Variants in GRIA3 observed in about 807,000 individuals in gnomAD.
GRIA3 encodes the protein glutamate ionotropic receptor AMPA type subunit 3.
Under a neutral mutation model 63.0 loss-of-function variants are expected in GRIA3, and 3 were observed. The observed-to-expected ratio is 0.05, with a 90% CI of 0.02 to 0.12. GRIA3 has a LOEUF of 0.12. Ranked by LOEUF, GRIA3 falls within the 10% of genes least tolerant of loss-of-function variation. GRIA3 has a pLI of 1.00. For missense variants in GRIA3, 347 were observed against 700.9 expected (o/e 0.50, Z 5.70); for synonymous variants, 274 against 257.9 (o/e 1.06, Z -0.60).
At chrX:123,414,471 G>A (rs572744956) in intron 10 of GRIA3, among the ~76,000 whole-genome samples, 1 of 110,591 alleles carries the variant, frequency 9.0e-6, no homozygotes, top group South Asian at 3.9e-4. Context: ...CGTGCACAAC[G>A]TGCAGGTTTG....
At chrX:123,325,622 T>C (rs1285668782) in intron 3 of GRIA3, among the ~76,000 whole-genome samples, 1 of 112,098 alleles carries the variant, frequency 8.9e-6, no homozygotes, top group African/African-American at 3.2e-5. Flanking sequence ...CTATCTCTAC[T>C]GAAGTTATTT....
intron 5 of GRIA3, among the ~76,000 whole-genome samples, chrX:123,381,457 G>A (rs1202585121): frequency 8.9e-6 from 1 of 111,733 alleles, no homozygotes; most frequent in Non-Finnish European, 1.9e-5. Flanking sequence ...CCATTGGCCT[G>A]CCTTAGGGTT....
chrX:123,404,625 A>C, intron 9 of GRIA3, 83 bp from the exon 10 acceptor site: 1 of 703,686 alleles, frequency 1.4e-6, no homozygotes, highest in Non-Finnish European at 2.3e-6. Context: ...CTCAATAGTC[A>C]CAGAGGGGAA....
chrX:123,417,839 A>T, intron 11 of GRIA3, 61 bp downstream of exon 11: 1 of 991,717 alleles, frequency 1.0e-6, no homozygotes, highest in South Asian at 1.9e-5. Context: ...CCATTCATGT[A>T]CATATGGTAT....
intron 3 of GRIA3, among the ~76,000 whole-genome samples, chrX:123,323,990 A>G (rs1380711427): frequency 8.9e-6 from 1 of 112,339 alleles, no homozygotes; most frequent in African/African-American, 3.2e-5. Flanking sequence ...AGGATCAATA[A>G]AATATTGACA....
chrX:123,272,022 C>T (rs1263458175), intron 3 of GRIA3, among the ~76,000 whole-genome samples: 1 of 111,794 alleles, frequency 8.9e-6, no homozygotes. Context: ...CACATCATGC[C>T]TAATCCCAAA....
At chrX:123,304,520 C>A (rs2044743253) in intron 3 of GRIA3, among the ~76,000 whole-genome samples, 1 of 111,787 alleles carries the variant, frequency 8.9e-6, no homozygotes, top group Admixed American at 9.5e-5. Flanking sequence ...TTCCTCCAGG[C>A]TCCTTCTCTT....
chrX:123,220,228 G>A (rs375105611), intron 2 of GRIA3, among the ~76,000 whole-genome samples: 2 of 112,309 alleles, frequency 1.8e-5, no homozygotes, highest in East Asian at 2.8e-4. Flanking sequence ...TCTATTCAAG[G>A]TCATATGGTG....
intron 3 of GRIA3, among the ~76,000 whole-genome samples, chrX:123,318,229 G>C (rs913842796): frequency 1.8e-5 from 2 of 111,864 alleles, no homozygotes; most frequent in African/African-American, 6.5e-5. Flanking sequence ...GATGGGAGGG[G>C]CTGCTGTGAA....
At chrX:123,483,162 A>T in intron 15 of GRIA3, 116 bp downstream of exon 15, 1 of 609,147 alleles carries the variant, frequency 1.6e-6, no homozygotes, top group Non-Finnish European at 2.6e-6. Flanking sequence ...GTCTCTTTGC[A>T]ACCATTTGAT....
chrX:123,480,859 A>C (rs1386912919), intron 14 of GRIA3, among the ~76,000 whole-genome samples: 2 of 111,870 alleles, frequency 1.8e-5, no homozygotes, highest in Admixed American at 9.5e-5. Context: ...GGATAACATC[A>C]CATTGATAAG....
chrX:123,334,469 C>G (rs2044962016), intron 4 of GRIA3, among the ~76,000 whole-genome samples: 1 of 110,534 alleles, frequency 9.0e-6, no homozygotes, highest in African/African-American at 3.3e-5. Context: ...AAAAAAAAAA[C>G]TTTTTCAATA....
chrX:123,481,964 A>G (rs2045914652), intron 14 of GRIA3, among the ~76,000 whole-genome samples: 1 of 112,317 alleles, frequency 8.9e-6, no homozygotes, highest in African/African-American at 3.2e-5. Context: ...AAAGTTAAAA[A>G]TGAGCTGGAT....
intron 4 of GRIA3, among the ~76,000 whole-genome samples, chrX:123,354,422 G>A (rs2045119105): frequency 8.9e-6 from 1 of 111,801 alleles, no homozygotes; most frequent in African/African-American, 3.2e-5. Context: ...TTTTAGAAAA[G>A]TTTTCAATAA....
chrX:123,403,551 T>G, intron 9 of GRIA3, 32 bp downstream of exon 9: 2 of 852,833 alleles, frequency 2.3e-6, no homozygotes, highest in South Asian at 4.0e-5. Flanking sequence ...GTGGGCTTTC[T>G]GTCCAGCAAG....
At chrX:123,364,881 C>T (rs937415152) in intron 5 of GRIA3, among the ~76,000 whole-genome samples, 3 of 112,326 alleles carry the variant, frequency 2.7e-5, no homozygotes, top group Non-Finnish European at 5.6e-5. Context: ...ACAAATACCA[C>T]GTGATCTCAC....
chrX:123,403,026 A>G lies in GRIA3; in HGVS notation c.1113A>G (p.Gln371=), dbSNP rs965655035. The change falls in exon 8 of 16, where the codon CAA becomes CAG. Residue 371 remains glutamine (Q), a synonymous_variant. Transcript: ENST00000620443. ...VQVQGMTGNI[Q]FDTYGRRTNY... ...TACAAGGAATGACTGGAAATATTCAATTTGACACTTATGGACGTAGGACAA... is the reference window on the plus strand; with the variant it reads ...TACAAGGAATGACTGGAAATATTCAGTTTGACACTTATGGACGTAGGACAA... 14 of 1,170,468 alleles carry G rather than the reference A, an allele frequency of 1.2e-5. No individual in the cohort carries two copies. Among genetic ancestry groups the G allele is most frequent in the Non-Finnish European group, 1.5e-5 (13 of 859,843 alleles).
intron 3 of GRIA3, among the ~76,000 whole-genome samples, chrX:123,262,821 G>A (rs191405716): frequency 3.6e-5 from 4 of 111,395 alleles, no homozygotes; most frequent in Admixed American, 9.5e-5. Context: ...AAACGTTTCT[G>A]AGGCCACCAC....
At chrX:123,221,097 A>G (rs1214287276) in intron 2 of GRIA3, among the ~76,000 whole-genome samples, 2 of 112,575 alleles carry the variant, frequency 1.8e-5, no homozygotes, top group African/African-American at 3.2e-5. Flanking sequence ...TCCCCCTTAA[A>G]TAACAAGCTT....
Sources: allele counts gnomAD v4.1 joint callset (sites outside exome capture counted in the v4.1 genomes callset), GRCh38; gene constraint gnomAD v4.1.1; transcripts MANE v1.5; gene names NCBI Gene and HGNC (gene_info 2026-07-23, HGNC 2026-07-21).